The following MED27 variants were observed in gnomAD, a reference collection of about 807,000 sequenced individuals.
MED27 encodes mediator of RNA polymerase II transcription subunit 27.
A neutral mutation model predicts 38.2 loss-of-function variants in MED27; 30 were observed. The observed-to-expected ratio is 0.79, with a 90% CI of 0.59 to 1.07. MED27 has a LOEUF of 1.07. Among genes scored for constraint, MED27 ranks in the 50% least tolerant of loss-of-function variants. MED27 has a pLI of 0.00. For missense variants in MED27, 289 were observed against 397.5 expected, an observed-to-expected ratio of 0.73 and a Z score of 2.32; for synonymous variants, 122 against 153.5, an observed-to-expected ratio of 0.79 and a Z score of 1.52.
intron 2 of MED27, among the ~76,000 whole-genome samples, chr9:132,031,130 T>A (rs982037091): frequency 4.6e-5 from 7 of 152,208 alleles, no homozygotes; most frequent in Non-Finnish European, 8.8e-5. Flanking sequence ...ACTGGTTAAA[T>A]CTTTCTTGAA....
At position 131,862,331 on chromosome 9, in the gene MED27, C is replaced by T. The variant is rs934282250; in HGVS notation, c.801+732G>A. On this transcript the variant is annotated intron_variant, in intron 7 of 7. Coordinates refer to ENST00000292035, the MANE Select transcript of MED27 (RefSeq NM_004269.4). The surrounding 1 kb of genome is among the most constrained non-coding windows in gnomAD (Gnocchi z 4.6). ...AGCGGTGGATGATGGGGTCTGCTGG[C>T]GTGAGAGCATGCGGCCGTGTGAGCA... Among the ~76,000 whole-genome samples, 1 of 152,076 alleles carries T rather than the reference C, an allele frequency of 6.6e-6. No homozygotes were observed. The highest frequency in any genetic ancestry group is 1.5e-5 in the Non-Finnish European group (1 of 68,030).
chr9:131,909,492 C>T (rs1172217876), intron 4 of MED27, among the ~76,000 whole-genome samples: 4 of 152,192 alleles, frequency 2.6e-5, no homozygotes, highest in African/African-American at 9.7e-5. Flanking sequence ...GGACTGTCCT[C>T]TTGATAAGGC....
intron 4 of MED27, among the ~76,000 whole-genome samples, chr9:131,899,322 G>A (rs1370462933): frequency 6.6e-6 from 1 of 152,214 alleles, no homozygotes; most frequent in Non-Finnish European, 1.5e-5. Context: ...TGCTGGACCT[G>A]AAGGATGAAT....
chr9:132,037,217 G>GA (rs1361184912), intron 2 of MED27, among the ~76,000 whole-genome samples: 2 of 152,182 alleles, frequency 1.3e-5, no homozygotes, highest in Non-Finnish European at 2.9e-5. Flanking sequence ...ACAGTAAGCT[G>GA]AAGTCACAAC....
chr9:131,905,836 C>T (rs956028109), intron 4 of MED27, among the ~76,000 whole-genome samples: 1 of 151,830 alleles, frequency 6.6e-6, no homozygotes, highest in African/African-American at 2.4e-5. Context: ...GCAAATTGTT[C>T]GCCCTTCCAG....
intron 3 of MED27, among the ~76,000 whole-genome samples, chr9:131,967,187 C>G (rs142123485): frequency 6.6e-6 from 1 of 152,262 alleles, no homozygotes; most frequent in East Asian, 1.9e-4. Context: ...ATAAATATGC[C>G]ATAAGTTTAT....
At chr9:131,985,896 C>G (rs1029879332) in intron 3 of MED27, among the ~76,000 whole-genome samples, 2 of 151,694 alleles carry the variant, frequency 1.3e-5, no homozygotes, top group Non-Finnish European at 2.9e-5. Flanking sequence ...ATGATCCTGA[C>G]CCTGTGTAGG....
At position 131,908,663 on chromosome 9, in the gene MED27, C is replaced by A. The variant is rs369041164; in HGVS notation, c.574-14671G>T. ...TGGTGCAAGATGTGCTTTGTTAAAC[C>A]GATGCTTGAAGGCAGCATGCTCGTT... On this transcript the variant is annotated intron_variant, in intron 4 of 7. Coordinates refer to ENST00000292035, the MANE Select transcript of MED27 (RefSeq NM_004269.4). 4.3e-3 allele frequency among the ~76,000 whole-genome samples: 647 copies of A among 152,142 alleles called. 7 individuals carry two copies. The highest frequency in any genetic ancestry group is 0.013 in the South Asian group (64 of 4,820).
chr9:132,009,685 C>G (rs1484613716), intron 3 of MED27, among the ~76,000 whole-genome samples: 1 of 152,196 alleles, frequency 6.6e-6, no homozygotes, highest in Admixed American at 6.5e-5. Flanking sequence ...TGAGCCAGAA[C>G]CACCCAAACG....
chr9:131,961,464 C>T (rs899708407), intron 3 of MED27, among the ~76,000 whole-genome samples: 6 of 152,214 alleles, frequency 3.9e-5, no homozygotes, highest in African/African-American at 4.8e-5. Flanking sequence ...TGTTAAACAA[C>T]GTAAAGCATT....
rs146214892 is a variant in MED27 at position 131,880,104 on chromosome 9, C to T, written c.723+3954G>A. Among the ~76,000 whole-genome samples the T allele has an allele frequency of 2.2e-3, 330 of 152,304 alleles. 4 individuals are homozygous for T. The highest frequency in any genetic ancestry group is 3.8e-3 in the Non-Finnish European group (256 of 68,024). On this transcript the variant is annotated intron_variant, in intron 6 of 7. Transcript: ENST00000292035. The stretch of plus-strand genomic sequence containing the variant: ...TGAGATGAACACGACGAAATAGGCA[C>T]GCCAGTCACCGCCCTGGGATGGAGG...
chr9:132,029,505 T>G (rs1001133877), intron 2 of MED27, among the ~76,000 whole-genome samples: 1 of 152,214 alleles, frequency 6.6e-6, no homozygotes, highest in Non-Finnish European at 1.5e-5. Context: ...TTACAAAGTC[T>G]TTAACAGACA....
Position 132,003,929 on chromosome 9 carries a change from C to A in MED27, c.479+10408G>T, listed in dbSNP as rs1169339746. On this transcript the variant is annotated intron_variant, in intron 3 of 7. Coordinates refer to ENST00000292035, the MANE Select transcript of MED27 (RefSeq NM_004269.4). This position sits in a 1 kb window ranked among gnomAD's most constrained non-coding sequence, Gnocchi z 4.2. ...ATTCCCGGTGTGGTCAAACATACAT[C>A]TGGCCTGTGGAAAGTACATAAAGGC... Among the ~76,000 whole-genome samples, 1 of 152,134 alleles carries A rather than the reference C, an allele frequency of 6.6e-6. No individual in the cohort carries two copies. Among genetic ancestry groups the A allele is most frequent in the African/African-American group, 2.4e-5 (1 of 41,430 alleles).
intron 4 of MED27, among the ~76,000 whole-genome samples, chr9:131,921,915 T>G (rs1206425719): frequency 6.7e-6 from 1 of 150,100 alleles, no homozygotes; most frequent in African/African-American, 2.5e-5. Context: ...GAGCAAACTA[T>G]CGCAAGGACA....
At chr9:132,065,273 A>G (rs1471548726) in intron 2 of MED27, among the ~76,000 whole-genome samples, 1 of 152,210 alleles carries the variant, frequency 6.6e-6, no homozygotes, top group Non-Finnish European at 1.5e-5. Flanking sequence ...GGAACTACTG[A>G]TAAGTAATCA....
At chr9:132,004,984 G>C (rs749709400) in intron 3 of MED27, among the ~76,000 whole-genome samples, 1 of 152,186 alleles carries the variant, frequency 6.6e-6, no homozygotes, top group Non-Finnish European at 1.5e-5. Context: ...CCCTGGAAGA[G>C]ACAAAACTGA....
rs1431000010 is a variant in MED27 at position 132,073,480 on chromosome 9, G to A, written c.348+3962C>T. On this transcript the variant is annotated intron_variant, in intron 2 of 7. Transcript: ENST00000292035. ...AAGATGGACATGGTGCCTCTCCCCT[G>A]AGCCTTATAGTTTACCCTTAATAGA... The A allele has an allele frequency of 5.1e-6, 6 of 1,184,736 alleles. No individual in the cohort carries two copies. In the African/African-American group the frequency reaches 8.0e-5, roughly 16 times the overall value. The allele number at this position is 1,184,736 out of a possible 1,614,324, so 73.4% of individuals were successfully genotyped here. A position where few individuals can be genotyped will look rare whatever the true frequency, so the allele number is the denominator to read the frequency against.
At chr9:132,009,783 G>A (rs1832441302) in intron 3 of MED27, among the ~76,000 whole-genome samples, 2 of 152,258 alleles carry the variant, frequency 1.3e-5, no homozygotes, top group Non-Finnish European at 1.5e-5. Context: ...AATCTGTTAT[G>A]AAGCAATAGA....
chr9:132,022,257 C>A (rs760272783), intron 2 of MED27, among the ~76,000 whole-genome samples: 1 of 152,108 alleles, frequency 6.6e-6, no homozygotes, highest in Non-Finnish European at 1.5e-5. Context: ...TAAGGTTGAA[C>A]CACCCCAGAA....
Sources: gnomAD v4.1 joint callset for allele counts (sites outside exome capture counted in the v4.1 genomes callset) on GRCh38, gnomAD v4.1.1 for gene constraint, Gnocchi (gnomAD v3.1) non-coding constraint, MANE v1.5 for transcripts, NCBI Gene and HGNC (gene_info 2026-07-23, HGNC 2026-07-21) for gene names.